FRS2: variants seen among roughly 807,000 people sequenced by gnomAD.
The protein encoded by FRS2 is fibroblast growth factor receptor substrate 2.
In FRS2, 8 loss-of-function variants were observed where a neutral mutation model predicts 43.9. That is an observed-to-expected ratio of 0.18 (90% CI 0.11 to 0.33). The LOEUF (loss-of-function observed/expected upper bound fraction) is 0.33. Ranked by LOEUF, FRS2 falls within the 10% of genes least tolerant of loss-of-function variation. FRS2 has a pLI of 1.00. For missense variants in FRS2, 534 were observed against 627.6 expected (o/e 0.85, Z 1.59); for synonymous variants, 219 against 220.3 (o/e 0.99, Z 0.05).
At chr12:69,571,110 G>T (rs1251476005) in intron 6 of FRS2, among the ~76,000 whole-genome samples, 166 bp from the exon 7 acceptor site, 1 of 152,108 alleles carries the variant, frequency 6.6e-6, no homozygotes, top group African/African-American at 2.4e-5. Context: ...GCGGGGGTTT[G>T]TTTTGAAACA....
At chr12:69,564,446 T>C (rs1880118023) in intron 4 of FRS2, among the ~76,000 whole-genome samples, 2 of 152,104 alleles carry the variant, frequency 1.3e-5, no homozygotes. Context: ...CACTTGGACA[T>C]TTCCCTGGGC....
intron 3 of FRS2, among the ~76,000 whole-genome samples, chr12:69,534,279 G>A (rs1877072305): frequency 6.6e-6 from 1 of 152,078 alleles, no homozygotes; most frequent in Admixed American, 6.5e-5. Flanking sequence ...AGTTATTTTA[G>A]GTACCTTTTT....
intron 1 of FRS2, among the ~76,000 whole-genome samples, chr12:69,490,973 A>G (rs1872423413): frequency 6.6e-6 from 1 of 152,272 alleles, no homozygotes; most frequent in Admixed American, 6.5e-5. Flanking sequence ...ATGATCTAAA[A>G]TTTAAAGATA....
rs534886363 is a variant in FRS2, at chr12:69,507,354, AT to A, written c.-260-23510del. Among the ~76,000 whole-genome samples, 13 of 152,294 alleles carry A rather than the reference AT, an allele frequency of 8.5e-5. No individual in the cohort carries two copies. In the East Asian group the frequency reaches 2.5e-3, roughly 29 times the overall value. ...TCTCTGACTATGTTTCTGTCCTGTTATATGGGTGTGCAATGTAAATAATAAG... is the reference window on the plus strand; with the variant it reads ...TCTCTGACTATGTTTCTGTCCTGTTAATGGGTGTGCAATGTAAATAATAAG... On this transcript the variant is annotated intron_variant, in intron 1 of 8. Coordinates refer to ENST00000549921, the MANE Select transcript of FRS2 (RefSeq NM_001278356.2).
chr12:69,524,226 G>A (rs560599408), intron 1 of FRS2, among the ~76,000 whole-genome samples: 85 of 152,228 alleles, frequency 5.6e-4, no homozygotes, highest in African/African-American at 2.0e-3. Context: ...TGGTGGTATG[G>A]TGGGGGATAG....
chr12:69,486,093 AT>A (rs1338140870), intron 1 of FRS2: 1 of 152,126 alleles, frequency 6.6e-6, no homozygotes, highest in African/African-American at 2.4e-5. Flanking sequence ...AAGTATCCTA[AT>A]TCCCTTTTTT....
At chr12:69,494,510 C>A (rs1429339471) in intron 1 of FRS2, among the ~76,000 whole-genome samples, 1 of 152,182 alleles carries the variant, frequency 6.6e-6, no homozygotes, top group Admixed American at 6.5e-5. Flanking sequence ...TCAGTTCTTT[C>A]TTTTAAACTG....
At chr12:69,559,884 C>G (rs973756019) in intron 3 of FRS2, among the ~76,000 whole-genome samples, 2 of 151,668 alleles carry the variant, frequency 1.3e-5, no homozygotes, top group Non-Finnish European at 2.9e-5. Flanking sequence ...GTTTTCTGTG[C>G]CCAAAATTTA....
intron 1 of FRS2, among the ~76,000 whole-genome samples, chr12:69,475,591 G>C (rs919790768): frequency 8.5e-5 from 13 of 152,188 alleles, no homozygotes; most frequent in African/African-American, 2.9e-4. Context: ...AGGAAACTTA[G>C]GATAATGGCT....
At chr12:69,557,594 T>TTGTGTGTGTGTGCG (rs796386936) in intron 3 of FRS2, among the ~76,000 whole-genome samples, 1,601 of 137,062 alleles carry the variant, frequency 0.012, 38 homozygotes, top group African/African-American at 0.041. Flanking sequence ...TGAAGGTTGA[T>TTGTGTGTGTGTGCG]TGTGTGTGTG....
rs1047487777 is a variant in FRS2, at chr12:69,575,241, A to G, written c.*286A>G. The stretch of plus-strand genomic sequence containing the variant: ...ATGACATGCTGGTTGATTTTTATCA[A>G]TATTCTGGACTTAACGCATACCTTT... On this transcript the variant is annotated 3_prime_UTR_variant, in exon 9 of 9. Transcript: ENST00000549921. The G allele has an allele frequency of 3.0e-5, 11 of 372,026 alleles. No homozygotes were observed. The South Asian group carries it at 3.8e-4, about 13-fold the overall frequency. The allele number at this position is 372,026 out of a possible 1,614,324, so 23.0% of individuals were successfully genotyped here. A position where few individuals can be genotyped will look rare whatever the true frequency, so the allele number is the denominator to read the frequency against.
At chr12:69,516,951 A>C (rs1875115666) in intron 1 of FRS2, among the ~76,000 whole-genome samples, 1 of 152,242 alleles carries the variant, frequency 6.6e-6, no homozygotes, top group Non-Finnish European at 1.5e-5. Context: ...TCCCTAATCC[A>C]AAAATTTGAA....
At chr12:69,544,877 T>C (rs1878235017) in intron 3 of FRS2, among the ~76,000 whole-genome samples, 1 of 152,036 alleles carries the variant, frequency 6.6e-6, no homozygotes, top group Non-Finnish European at 1.5e-5. Flanking sequence ...CTATTAAATA[T>C]CATACTGGAT....
Position 69,539,447 on chromosome 12 carries a change from G to C in FRS2, c.-122+7391G>C, listed in dbSNP as rs190562298. Among the ~76,000 whole-genome samples the C allele has an allele frequency of 5.6e-4, 85 of 152,264 alleles. 1 individual carries two copies. Among genetic ancestry groups the C allele is most frequent in the Middle Eastern group, 3.4e-3 (1 of 294 alleles). On this transcript the variant is annotated intron_variant, in intron 3 of 8. Transcript: ENST00000549921. ...GAGATATCTTGGGGATGGGACTCAA[G>C]TCTAAACACAAAATTTATGTTTCAT...
At chr12:69,494,071 T>C (rs1872683171) in intron 1 of FRS2, among the ~76,000 whole-genome samples, 1 of 152,212 alleles carries the variant, frequency 6.6e-6, no homozygotes, top group Non-Finnish European at 1.5e-5. Flanking sequence ...GCAAGAATTA[T>C]GTTTTCTTAT....
chr12:69,501,185 AT>A (rs1346905289), intron 1 of FRS2, among the ~76,000 whole-genome samples: 2 of 147,334 alleles, frequency 1.4e-5, no homozygotes, highest in Non-Finnish European at 3.0e-5. Flanking sequence ...AAAAAAAAAA[AT>A]CATTGTATTG....
intron 1 of FRS2, among the ~76,000 whole-genome samples, chr12:69,513,828 A>G (rs1397480151): frequency 1.2e-4 from 19 of 152,168 alleles, no homozygotes; most frequent in Non-Finnish European, 2.6e-4. Context: ...TGTTACCTCA[A>G]TGAAAGCTAC....
At chr12:69,571,190 T>C (rs1880721876) in intron 6 of FRS2, 86 bp from the exon 7 acceptor site, 1 of 798,358 alleles carries the variant, frequency 1.3e-6, no homozygotes, top group African/African-American at 1.7e-5. Context: ...GAATGCTTAC[T>C]TTACAATTCT....
At chr12:69,535,505 A>AT (rs1475244124) in intron 3 of FRS2, among the ~76,000 whole-genome samples, 7 of 152,064 alleles carry the variant, frequency 4.6e-5, no homozygotes, top group African/African-American at 1.4e-4. Flanking sequence ...CTTTGAAATG[A>AT]TTGCTGTTAA....
Sources: allele counts gnomAD v4.1 joint callset (sites outside exome capture counted in the v4.1 genomes callset), GRCh38; gene constraint gnomAD v4.1.1; transcripts MANE v1.5; gene names NCBI Gene and HGNC (gene_info 2026-07-23, HGNC 2026-07-21).